The following CLIP1 variants were observed in gnomAD, a reference collection of about 807,000 sequenced individuals.
The protein encoded by CLIP1 is CAP-Gly domain-containing linker protein 1.
A neutral mutation model predicts 161.6 loss-of-function variants in CLIP1; 66 were observed. That is an observed-to-expected ratio of 0.41 (90% CI 0.33 to 0.50). The LOEUF (loss-of-function observed/expected upper bound fraction) is 0.50, where lower values mean the gene tolerates loss of function less well. Ranked by LOEUF, CLIP1 falls within the 20% of genes least tolerant of loss-of-function variation. The pLI, the probability that CLIP1 is intolerant of heterozygous loss-of-function variation, is 0.27. For synonymous variants in CLIP1, 598 were observed against 626.2 expected, an observed-to-expected ratio of 0.96 and a Z score of 0.67; for missense variants, 1,376 against 1,702.0, an observed-to-expected ratio of 0.81 and a Z score of 3.37.
chr12:122,282,959 G>A (rs564815285), intron 21 of CLIP1, among the ~76,000 whole-genome samples: 9 of 152,240 alleles, frequency 5.9e-5, no homozygotes, highest in African/African-American at 1.9e-4. Flanking sequence ...ACAGTGAGCC[G>A]GATGAGCTGA....
rs769543313 is a variant in CLIP1, at chr12:122,341,643, A to C, written c.1561T>G (p.Leu521Val). Reference protein sequence around the residue: ...RIMELEKDLALRVQEVAELRR... With the variant: ...RIMELEKDLAVRVQEVAELRR... ...AGCTCAGCTACTTCCTGTACTCTCA[A>C]TGCTAGGTCTTTCTCCAGTTCCATT... is the stretch of plus-strand genomic sequence containing the variant. The change falls in exon 11 of 26, where the codon TTG becomes GTG. Residue 521 changes from leucine (L) to valine (V), a missense_variant. Physicochemically the swap from Leu to Val is conservative, Grantham distance 32. Around this residue, in one of 6 missense-constraint regions of CLIP1, gnomAD observed 948 missense variants for 1,134.8 expected, o/e 0.84. Coordinates refer to ENST00000620786, the MANE Select transcript of CLIP1 (RefSeq NM_001247997.2). The C allele has an allele frequency of 3.7e-6, 6 of 1,612,018 alleles. No homozygotes were observed. The highest frequency in any genetic ancestry group is 5.1e-6 in the Non-Finnish European group (6 of 1,179,648).
At chr12:122,326,473 G>A (rs759544285) in intron 17 of CLIP1, among the ~76,000 whole-genome samples, 1 of 152,154 alleles carries the variant, frequency 6.6e-6, no homozygotes, top group South Asian at 2.1e-4. Flanking sequence ...TGCATCCAGG[G>A]GTTCGAGACC....
intron 1 of CLIP1, among the ~76,000 whole-genome samples, chr12:122,389,436 A>C (rs1955484240): frequency 6.6e-6 from 1 of 152,094 alleles, no homozygotes; most frequent in African/African-American, 2.4e-5. Context: ...AGATGACACA[A>C]AACTATATGA....
chr12:122,390,006 C>T (rs918001610), intron 1 of CLIP1, among the ~76,000 whole-genome samples: 1 of 148,894 alleles, frequency 6.7e-6, no homozygotes, highest in Non-Finnish European at 1.5e-5. Context: ...TTCTCTTTCT[C>T]GCTTCTGGAA....
intron 1 of CLIP1, among the ~76,000 whole-genome samples, chr12:122,419,881 C>G (rs1292657630): frequency 7.3e-6 from 1 of 136,996 alleles, no homozygotes; most frequent in Non-Finnish European, 1.5e-5. Context: ...GGTTGCACCA[C>G]TGCACTCCAG....
chr12:122,313,479 T>A (rs1951140545), intron 19 of CLIP1, among the ~76,000 whole-genome samples: 1 of 151,986 alleles, frequency 6.6e-6, no homozygotes. Context: ...ATAATCCCAG[T>A]ACTTTGGGAG....
chr12:122,374,266 T>C (rs1034668177), intron 3 of CLIP1, among the ~76,000 whole-genome samples: 7 of 141,228 alleles, frequency 5.0e-5, no homozygotes, highest in Non-Finnish European at 9.0e-5. Flanking sequence ...GGTCAGGAGA[T>C]CGAGACCATC....
chr12:122,395,103 T>G (rs1270111247), intron 1 of CLIP1, among the ~76,000 whole-genome samples: 1 of 152,204 alleles, frequency 6.6e-6, no homozygotes, highest in East Asian at 1.9e-4. Flanking sequence ...AAACTGTTAC[T>G]TTTTCACAGA....
chr12:122,335,071 T>C (rs1263472806), intron 12 of CLIP1, among the ~76,000 whole-genome samples: 1 of 152,208 alleles, frequency 6.6e-6, no homozygotes, highest in Non-Finnish European at 1.5e-5. Context: ...CAGAAATCTG[T>C]GTGAAATGGT....
chr12:122,372,254 C>T (rs138192509), intron 3 of CLIP1, among the ~76,000 whole-genome samples: 19 of 152,164 alleles, frequency 1.2e-4, no homozygotes, highest in Non-Finnish European at 2.2e-4. Context: ...AACCCCGTCT[C>T]TACTAAAAAT....
At chr12:122,414,226 G>A (rs1439059511) in intron 1 of CLIP1, among the ~76,000 whole-genome samples, 1 of 151,928 alleles carries the variant, frequency 6.6e-6, no homozygotes, top group Non-Finnish European at 1.5e-5. Flanking sequence ...GTAGCCTCCT[G>A]GGATCAGATT....
At chr12:122,369,060 C>T (rs1566183496) in intron 3 of CLIP1, among the ~76,000 whole-genome samples, 1 of 151,494 alleles carries the variant, frequency 6.6e-6, no homozygotes, top group Non-Finnish European at 1.5e-5. Context: ...GCTCTGTCGT[C>T]CAGGCTGGAG....
chr12:122,286,930 G>A (rs555273868), intron 21 of CLIP1, among the ~76,000 whole-genome samples: 2 of 152,122 alleles, frequency 1.3e-5, no homozygotes, highest in African/African-American at 2.4e-5. Flanking sequence ...CCCAGGAGGC[G>A]GAGGTTGCAG....
At chr12:122,393,616 A>G (rs1035778629) in intron 1 of CLIP1, among the ~76,000 whole-genome samples, 2 of 152,118 alleles carry the variant, frequency 1.3e-5, no homozygotes, top group African/African-American at 4.8e-5. Flanking sequence ...AAGTGTTTTA[A>G]GAGTCTAGAT....
chr12:122,387,590 A>ATT (rs139790813), intron 1 of CLIP1, among the ~76,000 whole-genome samples: 2 of 6,264 alleles, frequency 3.2e-4, no homozygotes, highest in Non-Finnish European at 4.2e-4. Context: ...ATATATATAT[A>ATT]TTTTTTTTTT....
intron 1 of CLIP1, among the ~76,000 whole-genome samples, chr12:122,407,610 A>G (rs975386937): frequency 1.3e-5 from 2 of 151,412 alleles, no homozygotes; most frequent in Non-Finnish European, 2.9e-5. Flanking sequence ...CTGAAGGAGG[A>G]TCACCTGAGC....
At chr12:122,376,595 T>C (rs1351204114) in intron 3 of CLIP1, among the ~76,000 whole-genome samples, 1 of 151,604 alleles carries the variant, frequency 6.6e-6, no homozygotes, top group South Asian at 2.1e-4. Context: ...GCCTCCCGAG[T>C]AGCTGGGACT....
chr12:122,289,814 T>TTTTTTTC (rs1555256287), intron 20 of CLIP1, among the ~76,000 whole-genome samples: 3 of 151,242 alleles, frequency 2.0e-5, no homozygotes, highest in African/African-American at 2.4e-5. Context: ...TGTTTTTTTT[T>TTTTTTTC]TTTTTTCTTT....
At chr12:122,406,666 A>G (rs1373019443) in intron 1 of CLIP1, among the ~76,000 whole-genome samples, 1 of 152,188 alleles carries the variant, frequency 6.6e-6, no homozygotes, top group Non-Finnish European at 1.5e-5. Context: ...AATTATATGT[A>G]TTTAAAACTT....
Sources: allele counts gnomAD v4.1 joint callset (sites outside exome capture counted in the v4.1 genomes callset), GRCh38; gene constraint gnomAD v4.1.1; regional missense constraint gnomAD v4.1.1; transcripts MANE v1.5; gene names NCBI Gene and HGNC (gene_info 2026-07-23, HGNC 2026-07-21).